Variants in RNASE10 observed in about 807,000 individuals in gnomAD.
The protein encoded by RNASE10 is inactive ribonuclease-like protein 10.
Under a neutral mutation model 1.1 loss-of-function variants are expected in RNASE10, and 2 were observed. That is an observed-to-expected ratio of 1.82 (90% CI 0.74 to 5.73). The LOEUF (loss-of-function observed/expected upper bound fraction) is 5.73. Among genes scored for constraint, RNASE10 ranks in the 30% most tolerant of loss-of-function variants. The pLI is 0.05. For synonymous variants in RNASE10, 97 were observed against 96.2 expected (o/e 1.01, Z -0.05); for missense variants, 276 against 263.4 (o/e 1.05, Z -0.33).
downstream of RNASE10, among the ~76,000 whole-genome samples, chr14:20,511,341 C>G (rs1373601158): frequency 6.6e-6 from 1 of 152,154 alleles, no homozygotes; most frequent in Non-Finnish European, 1.5e-5. Flanking sequence ...CTTTCCCTTA[C>G]CCTGGAAAGG....
At chr14:20,505,666 A>G (rs1298071263) in exon 1 of RNASE10, 4 of 94,200 alleles carry the variant, frequency 4.2e-5, no homozygotes, top group East Asian at 4.7e-4. Flanking sequence ...GCTCGCTACA[A>G]CCTCCATCTC....
downstream of RNASE10, among the ~76,000 whole-genome samples, chr14:20,511,894 T>C (rs2139373009): frequency 6.6e-6 from 1 of 152,258 alleles, no homozygotes; most frequent in South Asian, 2.1e-4. Context: ...CCCGCTCTTC[T>C]CTTTATCTGG....
chr14:20,509,323 T>C (rs931511286), intron 1 of RNASE10, among the ~76,000 whole-genome samples: 1 of 152,234 alleles, frequency 6.6e-6, no homozygotes, highest in African/African-American at 2.4e-5. Context: ...GCTGGGATTA[T>C]AGGCAGAAGC....
exon 2 of RNASE10, chr14:20,510,817 G>A: frequency 6.2e-7 from 1 of 1,614,192 alleles, no homozygotes; most frequent in Non-Finnish European, 8.5e-7. Flanking sequence ...TGACCAGACA[G>A]ATAGAGAATG....
At chr14:20,511,093 A>T in exon 2 of RNASE10, 1 of 1,498,298 alleles carries the variant, frequency 6.7e-7, no homozygotes, top group Non-Finnish European at 8.9e-7. Flanking sequence ...CTGTAATGAC[A>T]TGAAGCGCCA....
chr14:20,506,317 G>A (rs1485311968), intron 1 of RNASE10, among the ~76,000 whole-genome samples: 3 of 131,466 alleles, frequency 2.3e-5, no homozygotes, highest in Non-Finnish European at 5.0e-5. Flanking sequence ...GAGGTGGGGG[G>A]GGTCAGCCCC....
In RNASE10 at chr14:20,509,537, G is replaced by A. The variant is rs567857357; in HGVS notation, c.80-930G>A. 1.5e-3 allele frequency among the ~76,000 whole-genome samples: 221 copies of A among 152,350 alleles called. 1 individual carries two copies. The highest frequency in any genetic ancestry group is 8.9e-3 in the South Asian group (43 of 4,832). ...TGTAGCTTTAGCAGGGGCCTGAGAT[G>A]TAAAGTTGGACATCTTCCCTCCAGC... is the stretch of plus-strand genomic sequence containing the variant. On this transcript the variant is annotated intron_variant, in intron 1 of 1. Transcript: ENST00000430083.
At chr14:20,510,685 A>G in exon 2 of RNASE10, 1 of 1,614,236 alleles carries the variant, frequency 6.2e-7, no homozygotes, top group Non-Finnish European at 8.5e-7. Flanking sequence ...GGTGCTTAGC[A>G]ACAAAGAAGT....
At chr14:20,509,085 C>T (rs1389459194) in intron 1 of RNASE10, among the ~76,000 whole-genome samples, 1 of 152,134 alleles carries the variant, frequency 6.6e-6, no homozygotes, top group African/African-American at 2.4e-5. Context: ...TTTTTTGAGA[C>T]AGAATCTCAC....
chr14:20,508,437 C>G (rs907677664), intron 1 of RNASE10, among the ~76,000 whole-genome samples: 1 of 152,198 alleles, frequency 6.6e-6, no homozygotes, highest in Non-Finnish European at 1.5e-5. Flanking sequence ...TGAACCATCC[C>G]TTTGTCCAGC....
At chr14:20,510,559 G>T (rs758863725) in exon 2 of RNASE10, 1 of 1,614,154 alleles carries the variant, frequency 6.2e-7, no homozygotes, top group Non-Finnish European at 8.5e-7. Context: ...ACTTCATATG[G>T]CTACAGCAGT....
exon 2 of RNASE10, chr14:20,511,008 G>C: frequency 1.3e-6 from 2 of 1,596,626 alleles, no homozygotes; most frequent in East Asian, 2.2e-5. Context: ...CATTGTGCGA[G>C]CTGTCCCAAC....
intron 1 of RNASE10, 137 bp from the exon 2 acceptor site, chr14:20,510,330 T>A (rs569261968): frequency 5.3e-6 from 7 of 1,309,280 alleles, no homozygotes; most frequent in Non-Finnish European, 7.2e-6. Context: ...ATCGCTGCCT[T>A]GAAGAGGGTA....
intron 1 of RNASE10, among the ~76,000 whole-genome samples, chr14:20,506,651 G>A (rs1882732148): frequency 2.0e-5 from 2 of 100,334 alleles, no homozygotes; most frequent in Non-Finnish European, 2.0e-5. Context: ...CAGCCGCCCA[G>A]TCCAGGAGGG....
At chr14:20,513,571 C>T (rs983480884), downstream of RNASE10, among the ~76,000 whole-genome samples, 1 of 152,010 alleles carries the variant, frequency 6.6e-6, no homozygotes, top group Non-Finnish European at 1.5e-5. Flanking sequence ...TCAAAGTGGC[C>T]CCAAAACTCA....
intron 1 of RNASE10, among the ~76,000 whole-genome samples, chr14:20,509,652 T>C (rs1333349321): frequency 5.9e-5 from 9 of 152,164 alleles, no homozygotes; most frequent in Non-Finnish European, 1.0e-4. Context: ...GAGTAATAGA[T>C]ATTTGAATAA....
chr14:20,511,204 A>G (rs1882893006), downstream of RNASE10: 4 of 1,114,292 alleles, frequency 3.6e-6, no homozygotes, highest in Non-Finnish European at 4.8e-6. Flanking sequence ...AGTTCTCCTG[A>G]TCTTAGGTAT....
exon 2 of RNASE10, chr14:20,510,503 T>C (rs954586761): frequency 6.2e-7 from 1 of 1,612,312 alleles, no homozygotes; most frequent in South Asian, 1.1e-5. Context: ...ATCTTTTTCA[T>C]GTTGCTGATG....
At chr14:20,506,189 G>GC (rs1296763033) in intron 1 of RNASE10, among the ~76,000 whole-genome samples, 170 bp downstream of exon 1, 1 of 140,704 alleles carries the variant, frequency 7.1e-6, no homozygotes, top group African/African-American at 2.6e-5. Context: ...AGGTGGGGGG[G>GC]GGTCAGCCCC....
Sources: gnomAD v4.1 joint callset for allele counts (sites outside exome capture counted in the v4.1 genomes callset) on GRCh38, gnomAD v4.1.1 for gene constraint, MANE v1.5 for transcripts, NCBI Gene and HGNC (gene_info 2026-07-23, HGNC 2026-07-21) for gene names.